Variants in KIRREL2 observed in about 807,000 individuals in gnomAD.
KIRREL2 encodes kin of IRRE-like protein 2.
A neutral mutation model predicts 73.4 loss-of-function variants in KIRREL2; 56 were observed. That is an observed-to-expected ratio of 0.76 (90% CI 0.62 to 0.95). The LOEUF (loss-of-function observed/expected upper bound fraction) is 0.95. KIRREL2 is among the 40% of genes least tolerant of loss of function. KIRREL2 has a pLI of 0.00. For missense variants in KIRREL2, 896 were observed against 935.0 expected, an observed-to-expected ratio of 0.96 and a Z score of 0.54; for synonymous variants, 407 against 404.0, an observed-to-expected ratio of 1.01 and a Z score of -0.09.
chr19:35,862,642 C>G (rs761801881), intron 12 of KIRREL2, 45 bp downstream of exon 12: 3 of 1,435,070 alleles, frequency 2.1e-6, no homozygotes, highest in Non-Finnish European at 2.9e-6. Context: ...CCCAGCCCCA[C>G]ACGCGCCCTG....
chr19:35,851,436 T>C, upstream of KIRREL2: 1 of 1,612,784 alleles, frequency 6.2e-7, no homozygotes, highest in Non-Finnish European at 8.5e-7. Flanking sequence ...TGGCTGAGGG[T>C]CTCAGGCTCT....
upstream of KIRREL2, among the ~76,000 whole-genome samples, chr19:35,855,656 T>TACACACACACACACAC (rs57458964): frequency 3.5e-5 from 3 of 84,818 alleles, no homozygotes; most frequent in Non-Finnish European, 4.8e-5. Context: ...CACCTCCCCA[T>TACACACACACACACAC]ACACACACAC....
Position 35,864,718 on chromosome 19 carries a change from G to C in KIRREL2, c.1791+5G>C. ...GAAGGGACTCTGGAGACCAAGGTGA[G>C]TGTTGAGAGGGGTGGGGCTCCCTTC... is the stretch of plus-strand genomic sequence containing the variant. On this transcript the variant is annotated splice_donor_5th_base_variant and intron_variant, in intron 14 of 14. Coordinates refer to ENST00000360202, the MANE Select transcript of KIRREL2 (RefSeq NM_199180.4). The C allele has an allele frequency of 6.2e-7, 1 of 1,607,582 alleles. No homozygotes were observed. Among genetic ancestry groups the C allele is most frequent in the East Asian group, 2.2e-5 (1 of 44,826 alleles).
chr19:35,851,407 G>A (rs868322797), upstream of KIRREL2: 8 of 1,612,630 alleles, frequency 5.0e-6, no homozygotes, highest in African/African-American at 1.3e-5. Context: ...CCGGAAGTCA[G>A]GGCCGCAGCT....
chr19:35,854,254 A>G (rs937953896), upstream of KIRREL2, among the ~76,000 whole-genome samples: 11 of 152,238 alleles, frequency 7.2e-5, no homozygotes, highest in Middle Eastern at 3.4e-3. Flanking sequence ...GGCCTCCCAA[A>G]GTACTAGGAT....
In KIRREL2 at chr19:35,861,658, C is replaced by T. The variant is rs760051301; in HGVS notation, c.1290+17C>T. The T allele has an allele frequency of 6.2e-7, 1 of 1,609,104 alleles. No homozygotes were observed. Among genetic ancestry groups the T allele is most frequent in the Non-Finnish European group, 8.5e-7 (1 of 1,176,604 alleles). Reference sequence around the variant, plus strand: ...GATGCCGTGGTAAGGAAATGTCACTCCTCCCGTGACCCATCCAGCCGTGAT... The same window carrying T: ...GATGCCGTGGTAAGGAAATGTCACTTCTCCCGTGACCCATCCAGCCGTGAT... On this transcript the variant is annotated intron_variant, in intron 10 of 14. Coordinates refer to ENST00000360202, the MANE Select transcript of KIRREL2 (RefSeq NM_199180.4).
chr19:35,854,944 C>A (rs1049925063), upstream of KIRREL2, among the ~76,000 whole-genome samples: 3 of 152,134 alleles, frequency 2.0e-5, no homozygotes, highest in Non-Finnish European at 4.4e-5. Context: ...CTGCCCTCCC[C>A]GCGTGCACAT....
At chr19:35,856,246 C>A (rs375451480), upstream of KIRREL2, among the ~76,000 whole-genome samples, 588 of 152,178 alleles carry the variant, frequency 3.9e-3, 4 homozygotes, top group African/African-American at 0.013. This position sits in a 1 kb window ranked among gnomAD's most constrained non-coding sequence, Gnocchi z 5.9. Context: ...CCGGCACCGC[C>A]GCCTCCCAGC....
chr19:35,858,310 G>T (rs1241863870), intron 2 of KIRREL2, 98 bp from the exon 3 acceptor site: 8 of 1,413,896 alleles, frequency 5.7e-6, no homozygotes, highest in East Asian at 2.3e-5. Flanking sequence ...ACCACCAAAT[G>T]TGTGGGCCAG....
intron 9 of KIRREL2, 23 bp from the exon 10 acceptor site, chr19:35,861,514 CTGAG>C (rs1487189558): frequency 1.9e-6 from 3 of 1,609,510 alleles, no homozygotes; most frequent in Middle Eastern, 1.6e-4. Context: ...GACCTCTCCT[CTGAG>C]TGACCTACAG....
At chr19:35,861,702 C>A (rs994395834) in intron 10 of KIRREL2, 61 bp downstream of exon 10, 42 of 1,581,988 alleles carry the variant, frequency 2.7e-5, no homozygotes, top group Non-Finnish European at 3.6e-5. Flanking sequence ...TCCCACCTGG[C>A]CCCCCGAAAC....
chr19:35,864,539 C>G, intron 13 of KIRREL2, 109 bp from the exon 14 acceptor site: 1 of 822,822 alleles, frequency 1.2e-6, no homozygotes, highest in East Asian at 2.5e-5. Flanking sequence ...CTTGGGTGCT[C>G]TTACTCCCTC....
At chr19:35,860,707 C>T (rs758313329) in intron 7 of KIRREL2, 40 bp downstream of exon 7, 2 of 1,596,944 alleles carry the variant, frequency 1.3e-6, no homozygotes, top group Non-Finnish European at 1.7e-6. Flanking sequence ...CAAAGGTGGC[C>T]GTGGCTTTCA....
rs999966501 is a variant in KIRREL2, at chr19:35,862,571, C to G, written c.1589C>G (p.Ala530Gly). Reference protein sequence around the residue: ...TTLLMVITGVALCCWRHSKAS... With the variant: ...TTLLMVITGVGLCCWRHSKAS... Reference sequence around the variant, plus strand: ...CTCCTTATGGTCATCACTGGGGTGGCCCTCTGCTGCTGGCGCCACAGCAAG... The same window carrying G: ...CTCCTTATGGTCATCACTGGGGTGGGCCTCTGCTGCTGGCGCCACAGCAAG... Residue 530 changes from alanine to glycine, a missense_variant, in exon 12 of 15, where the codon GCC (alanine) becomes GGC (glycine). By Grantham distance (60) the Ala-to-Gly change is moderately conservative. Transcript: ENST00000360202. 5.0e-6 allele frequency: 8 copies of G among 1,609,088 alleles called. No individual in the cohort carries two copies. In the African/African-American group the frequency reaches 8.0e-5, roughly 16 times the overall value.
At chr19:35,853,109 A>G (rs532888482), upstream of KIRREL2, among the ~76,000 whole-genome samples, 4 of 127,656 alleles carry the variant, frequency 3.1e-5, no homozygotes, top group South Asian at 4.5e-4. Context: ...TTCCTTTTTT[A>G]GTAGACATCA....
chr19:35,862,517 T>C lies in KIRREL2; in HGVS notation c.1535T>C (p.Val512Ala). Residue 512 changes from valine (V) to alanine (A), a missense_variant, in exon 12 of 15, where the codon GTG becomes GCG. Coordinates refer to ENST00000360202, the MANE Select transcript of KIRREL2 (RefSeq NM_199180.4). ...GACTTGCTGCCCACTGTGCGGATAG[T>C]GGCCGGAGTGGCCGCTGCCACCACA... Reference protein sequence around the residue: ...RRDLLPTVRIVAGVAAATTTL... With the variant: ...RRDLLPTVRIAAGVAAATTTL... 1.9e-6 allele frequency: 3 copies of C among 1,610,168 alleles called. No individual in the cohort carries two copies. The highest frequency in any genetic ancestry group is 2.5e-6 in the Non-Finnish European group (3 of 1,179,886).
At chr19:35,860,800 G>T in intron 7 of KIRREL2, 109 bp from the exon 8 acceptor site, 1 of 1,586,326 alleles carries the variant, frequency 6.3e-7, no homozygotes, top group South Asian at 1.1e-5. Context: ...GTGGAGCTGG[G>T]GCATATTCTT....
At chr19:35,865,108 C>A (rs759822885) in intron 14 of KIRREL2, among the ~76,000 whole-genome samples, 2 of 151,892 alleles carry the variant, frequency 1.3e-5, no homozygotes, top group Non-Finnish European at 2.9e-5. Context: ...CAGGCCATCC[C>A]CAGGCCAGAG....
At position 35,861,850 on chromosome 19, in the gene KIRREL2, C is replaced by T. The variant is rs750706954; in HGVS notation, c.1336C>T (p.Arg446Trp). 6 of 1,587,992 alleles carry T rather than the reference C, an allele frequency of 3.8e-6. No homozygotes were observed. The highest frequency in any genetic ancestry group is 5.1e-6 in the Non-Finnish European group (6 of 1,167,232). ...EGFLEAGSQG[R>W]FLVETFPAPE... is the part of the protein sequence containing the mutation. ...CTTCCTGGAGGCGGGGTCGCAGGGC[C>T]GGTTCCTGGTGGAGACATTCCCTGC... Residue 446 changes from arginine (R) to tryptophan (W), a missense_variant, in exon 11 of 15, where the codon CGG (arginine) becomes TGG (tryptophan). Transcript: ENST00000360202.
Sources: allele counts gnomAD v4.1 joint callset (sites outside exome capture counted in the v4.1 genomes callset), GRCh38; gene constraint gnomAD v4.1.1; non-coding constraint Gnocchi (gnomAD v3.1); transcripts MANE v1.5; gene names NCBI Gene and HGNC (gene_info 2026-07-23, HGNC 2026-07-21).